Variants in CAMK2A observed in about 807,000 individuals in gnomAD.
The protein encoded by CAMK2A is calcium/calmodulin dependent protein kinase II alpha.
A neutral mutation model predicts 79.2 loss-of-function variants in CAMK2A; 7 were observed. The observed-to-expected ratio is 0.09, with a 90% CI of 0.05 to 0.17. The LOEUF is 0.17. Among genes scored for constraint, CAMK2A ranks in the 10% least tolerant of loss-of-function variants. CAMK2A has a pLI of 1.00. For missense variants in CAMK2A, 214 were observed against 646.4 expected (o/e 0.33, Z 7.25); for synonymous variants, 242 against 251.7 (o/e 0.96, Z 0.36).
At chr5:150,228,066 C>T (rs898438034) in intron 17 of CAMK2A, 126 bp downstream of exon 17, 35 of 712,266 alleles carry the variant, frequency 4.9e-5, no homozygotes, top group Middle Eastern at 3.2e-4. Context: ...CCAGTCCACA[C>T]GGGAGCTTCC....
chr5:150,286,890 G>A (rs1198544086), intron 1 of CAMK2A, among the ~76,000 whole-genome samples: 1 of 152,246 alleles, frequency 6.6e-6, no homozygotes, highest in Non-Finnish European at 1.5e-5. Flanking sequence ...AATCGGCCCT[G>A]GGGGCCTGTC....
chr5:150,281,540 G>A (rs1757216499), intron 1 of CAMK2A, among the ~76,000 whole-genome samples: 1 of 152,252 alleles, frequency 6.6e-6, no homozygotes, highest in Admixed American at 6.5e-5. Context: ...CTATTCCAAA[G>A]CTGAAGAAAC....
chr5:150,250,416 T>G, intron 10 of CAMK2A, 107 bp from the exon 11 acceptor site: 1 of 982,978 alleles, frequency 1.0e-6, no homozygotes, highest in African/African-American at 1.6e-5. Flanking sequence ...GGTTGACATC[T>G]TGGGAAGAAC....
chr5:150,277,984 AGAATGTG>A (rs1757026700), intron 1 of CAMK2A, among the ~76,000 whole-genome samples: 1 of 152,244 alleles, frequency 6.6e-6, no homozygotes, highest in Non-Finnish European at 1.5e-5. Context: ...CAACAACAGA[AGAATGTG>A]GTCCTCAAAA....
intron 13 of CAMK2A, 63 bp downstream of exon 13, chr5:150,245,098 C>T (rs368502509): frequency 2.0e-6 from 3 of 1,537,644 alleles, no homozygotes; most frequent in Non-Finnish European, 1.8e-6. Context: ...GGCCTGAAAG[C>T]CGGTCTCTGT....
chr5:150,251,898 G>T, intron 8 of CAMK2A, 54 bp from the exon 9 acceptor site: 1 of 1,543,256 alleles, frequency 6.5e-7, no homozygotes, highest in Non-Finnish European at 8.9e-7. Context: ...GACATGGGGG[G>T]AGGGGAGTGA....
chr5:150,261,724 GA>G (rs1756313252), intron 3 of CAMK2A, among the ~76,000 whole-genome samples: 1 of 152,204 alleles, frequency 6.6e-6, no homozygotes, highest in Admixed American at 6.5e-5. Context: ...TCTGGAGTCA[GA>G]CTTGCGGAGT....
chr5:150,264,825 C>T (rs1287335316), intron 3 of CAMK2A, 131 bp downstream of exon 3: 6 of 700,550 alleles, frequency 8.6e-6, no homozygotes. Flanking sequence ...CCCCCTTTCC[C>T]ATCTCTGCTG....
Position 150,221,132 on chromosome 5 carries a change from T to TA in CAMK2A, c.*1577dup, listed in dbSNP as rs1754285833. The TA allele has an allele frequency of 4.0e-6, 1 of 247,686 alleles. No homozygotes were observed. The highest frequency in any genetic ancestry group is 2.2e-5 in the African/African-American group (1 of 44,768). The allele number at this position is 247,686 out of a possible 1,614,324, so 15.3% of individuals were successfully genotyped here. A position where few individuals can be genotyped will look rare whatever the true frequency, so the allele number is the denominator to read the frequency against. ...AGAATACAACCTCTATTTTTTTTTT[T>TA]AGTCCAAAACATGTAGATTGGTTTT... On this transcript the variant is annotated 3_prime_UTR_variant, in exon 19 of 19. Coordinates refer to ENST00000671881, the MANE Select transcript of CAMK2A (RefSeq NM_015981.4).
chr5:150,238,467 A>C, intron 15 of CAMK2A: 1 of 494,964 alleles, frequency 2.0e-6, no homozygotes, highest in Non-Finnish European at 3.7e-6. Flanking sequence ...AATAAAATAA[A>C]AATAAATAAA....
chr5:150,262,791 G>A (rs1756353148), intron 3 of CAMK2A, among the ~76,000 whole-genome samples: 1 of 152,120 alleles, frequency 6.6e-6, no homozygotes, highest in Non-Finnish European at 1.5e-5. Flanking sequence ...TCATAGAGGA[G>A]GATACTGAGG....
intron 18 of CAMK2A, 120 bp downstream of exon 18, chr5:150,222,868 TC>T: frequency 1.5e-6 from 2 of 1,369,942 alleles, no homozygotes; most frequent in Non-Finnish European, 2.1e-6. Context: ...TCTTGGGGTC[TC>T]CCCACCCCAC....
intron 12 of CAMK2A, among the ~76,000 whole-genome samples, 169 bp downstream of exon 12, chr5:150,247,603 A>T (rs937879826): frequency 6.6e-5 from 10 of 151,902 alleles, no homozygotes; most frequent in African/African-American, 2.4e-4. Context: ...ACCTCTCTTC[A>T]CTTCTGGGTA....
intron 1 of CAMK2A, among the ~76,000 whole-genome samples, 189 bp from the exon 2 acceptor site, chr5:150,273,348 A>G (rs1236063466): frequency 6.6e-6 from 1 of 152,230 alleles, no homozygotes; most frequent in Non-Finnish European, 1.5e-5. Context: ...AGATGGATCC[A>G]GAAGCAGAAG....
chr5:150,236,198 CAA>C (rs965548666), intron 15 of CAMK2A, among the ~76,000 whole-genome samples: 5 of 152,098 alleles, frequency 3.3e-5, no homozygotes, highest in African/African-American at 1.2e-4. Flanking sequence ...GCCATTACCC[CAA>C]GAGAAAAAAC....
intron 9 of CAMK2A, 84 bp from the exon 10 acceptor site, chr5:150,250,894 A>C (rs1047377002): frequency 6.6e-7 from 1 of 1,510,450 alleles, no homozygotes; most frequent in Admixed American, 1.8e-5. Context: ...GCAGGGGAGC[A>C]GGCAGGGGTC....
In CAMK2A at chr5:150,220,741, C is replaced by A. The variant is rs1243033449; in HGVS notation, c.*1969G>T. 1 of 152,052 alleles carries A rather than the reference C, an allele frequency of 6.6e-6. No individual in the cohort carries two copies. The highest frequency in any genetic ancestry group is 2.4e-5 in the African/African-American group (1 of 41,342). 9.4% of individuals were successfully genotyped at this position (152,052 alleles called of 1,614,324 possible). ...TGGGCCTGGGCAGCAAGGTCTCTGC[C>A]AAGGACAGAGGCCAGTGATGGACCA... On this transcript the variant is annotated 3_prime_UTR_variant, in exon 19 of 19. Coordinates refer to ENST00000671881, the MANE Select transcript of CAMK2A (RefSeq NM_015981.4).
chr5:150,265,077 C>A (rs773288821), intron 2 of CAMK2A, 62 bp from the exon 3 acceptor site: 4 of 1,277,250 alleles, frequency 3.1e-6, no homozygotes, highest in Admixed American at 3.4e-5. Flanking sequence ...TCCATCTCCC[C>A]CTTCTCAAAG....
intron 1 of CAMK2A, among the ~76,000 whole-genome samples, chr5:150,280,469 G>A (rs1482072009): frequency 2.6e-5 from 4 of 152,032 alleles, no homozygotes; most frequent in Admixed American, 2.6e-4. Flanking sequence ...AGCCTGGGCT[G>A]TTTCCTTCCT....
Sources: gnomAD v4.1 joint callset for allele counts (sites outside exome capture counted in the v4.1 genomes callset) on GRCh38, gnomAD v4.1.1 for gene constraint, MANE v1.5 for transcripts, NCBI Gene and HGNC (gene_info 2026-07-23, HGNC 2026-07-21) for gene names.